Variants in MBIP observed in about 807,000 individuals in gnomAD.
MBIP encodes the protein MAP3K12 binding inhibitory protein 1, also known as MAP3K12-binding inhibitory protein 1.
MBIP carries 32 observed loss-of-function variants against 45.7 expected under a neutral mutation model. That is an observed-to-expected ratio of 0.70 (90% CI 0.53 to 0.94). The LOEUF is 0.94. Ranked by LOEUF, MBIP falls within the 40% of genes least tolerant of loss-of-function variation. The pLI is 0.00. For synonymous variants in MBIP, 145 were observed against 141.0 expected, an observed-to-expected ratio of 1.03 and a Z score of -0.20; for missense variants, 381 against 405.5, an observed-to-expected ratio of 0.94 and a Z score of 0.52.
Position 36,308,610 on chromosome 14 carries a change from T to C in MBIP, c.791-421A>G, listed in dbSNP as rs868774636. Among the ~76,000 whole-genome samples, 3 of 152,338 alleles carry C rather than the reference T, an allele frequency of 2.0e-5. No homozygotes were observed. The South Asian group carries it at 6.2e-4, about 32-fold the overall frequency. ...TCTTCAATTAATATTTCTCCCTACA[T>C]GCCATATTTTTCCTTTGACCTAAAA... On this transcript the variant is annotated intron_variant, in intron 6 of 8. Coordinates refer to ENST00000416007, the MANE Select transcript of MBIP (RefSeq NM_016586.3).
At chr14:36,315,183 G>C (rs539694011) in intron 2 of MBIP, among the ~76,000 whole-genome samples, 54 of 152,106 alleles carry the variant, frequency 3.6e-4, no homozygotes, top group African/African-American at 1.2e-3. Flanking sequence ...GAAAACCTAA[G>C]GAAATTTAAA....
intron 6 of MBIP, among the ~76,000 whole-genome samples, chr14:36,310,504 A>G (rs1022196583): frequency 6.6e-6 from 1 of 152,212 alleles, no homozygotes; most frequent in Admixed American, 6.5e-5. Context: ...ATACATCTGC[A>G]AAGGTGAAAT....
Position 36,308,081 on chromosome 14 carries a change from C to G in MBIP, c.888+11G>C, listed in dbSNP as rs772456771. ...CATTTTCATTTATTTTTAAAAGACA[C>G]TTATACTCACTACAGACTGAAAATA... On this transcript the variant is annotated intron_variant, in intron 7 of 8. Transcript: ENST00000416007. The G allele has an allele frequency of 7.1e-7, 1 of 1,399,668 alleles. No individual in the cohort carries two copies. The highest frequency in any genetic ancestry group is 2.3e-5 in the East Asian group (1 of 43,708). The allele number at this position is 1,399,668 out of a possible 1,614,324, so 86.7% of individuals were successfully genotyped here.
intron 7 of MBIP, among the ~76,000 whole-genome samples, chr14:36,306,894 C>T (rs1299721021): frequency 6.6e-6 from 1 of 152,130 alleles, no homozygotes; most frequent in Non-Finnish European, 1.5e-5. Flanking sequence ...TTATGTAGTA[C>T]AACCAATACA....
rs779780710 is a variant in MBIP at position 36,314,546 on chromosome 14, G to A, written c.537C>T (p.Val179=). Reference sequence around the variant, plus strand: ...AATCAATAACATTGCAAAATTCCCTGACGTTGTTTTCATTGATTTCAGCTT... The same window carrying A: ...AATCAATAACATTGCAAAATTCCCTAACGTTGTTTTCATTGATTTCAGCTT... ...RKQAEINENN[V]REFCNVIDCN... is the part of the protein sequence containing the mutation. The change falls in exon 4 of 9, where the codon GTC becomes GTT. Residue 179 remains valine, a synonymous_variant. Transcript: ENST00000416007. 1 of 1,610,304 alleles carries A rather than the reference G, an allele frequency of 6.2e-7. No homozygotes were observed. The highest frequency in any genetic ancestry group is 1.7e-5 in the Admixed American group (1 of 59,348).
intron 1 of MBIP, among the ~76,000 whole-genome samples, chr14:36,318,940 G>A (rs75495968): frequency 0.037 from 5,645 of 152,058 alleles, 316 homozygotes; most frequent in African/African-American, 0.13. Flanking sequence ...GTATTTAATT[G>A]ATGAAACAAT....
intron 1 of MBIP, among the ~76,000 whole-genome samples, chr14:36,318,879 A>G (rs3850260): frequency 0.93 from 141,052 of 152,046 alleles, 65,552 homozygotes; most frequent in East Asian, 0.96. Flanking sequence ...ATGGAACTCT[A>G]ATTTTCACTC....
At chr14:36,302,052 C>G (rs981167397) in intron 7 of MBIP, among the ~76,000 whole-genome samples, 1 of 152,164 alleles carries the variant, frequency 6.6e-6, no homozygotes, top group African/African-American at 2.4e-5. Context: ...AATAATAGAG[C>G]TCAGATAATT....
At chr14:36,320,401 G>C in intron 1 of MBIP, 59 bp downstream of exon 1, 1 of 1,610,786 alleles carries the variant, frequency 6.2e-7, no homozygotes, top group Non-Finnish European at 8.5e-7. Flanking sequence ...TAGAGAAAAA[G>C]AATGGCGAGG....
chr14:36,302,743 A>C (rs939374629), intron 7 of MBIP, among the ~76,000 whole-genome samples: 1 of 152,144 alleles, frequency 6.6e-6, no homozygotes, highest in Non-Finnish European at 1.5e-5. Flanking sequence ...TAGAAATACC[A>C]TATCTACCGT....
chr14:36,311,877 G>T, intron 5 of MBIP, 82 bp downstream of exon 5: 1 of 1,261,406 alleles, frequency 7.9e-7, no homozygotes, highest in Non-Finnish European at 1.1e-6. Flanking sequence ...ATAAAATTTA[G>T]ATGGGAAAGT....
intron 7 of MBIP, among the ~76,000 whole-genome samples, chr14:36,307,193 C>G (rs1879935022): frequency 1.3e-5 from 2 of 152,120 alleles, no homozygotes; most frequent in Admixed American, 6.6e-5. Context: ...CTGCCTTCTT[C>G]TTCTGGAAAT....
chr14:36,316,286 G>T (rs897980060), intron 2 of MBIP, among the ~76,000 whole-genome samples: 6 of 152,068 alleles, frequency 3.9e-5, no homozygotes, highest in Non-Finnish European at 8.8e-5. Flanking sequence ...TCCAGGATGT[G>T]TCATGCTGGG....
In MBIP at chr14:36,319,023, A is replaced by G. The variant is rs192333896; in HGVS notation, c.129+1437T>C. Among the ~76,000 whole-genome samples, 130 of 152,248 alleles carry G rather than the reference A, an allele frequency of 8.5e-4. 1 individual carries two copies. In the East Asian group the frequency reaches 0.021, roughly 24 times the overall value. On this transcript the variant is annotated intron_variant, in intron 1 of 8. Coordinates refer to ENST00000416007, the MANE Select transcript of MBIP (RefSeq NM_016586.3). ...AAGTAACCAAATATTTACTGTGAAC[A>G]TTTTTGACAGGTGACATAAGTAAAT...
intron 6 of MBIP, among the ~76,000 whole-genome samples, chr14:36,310,790 C>T (rs1047307675): frequency 1.3e-5 from 2 of 152,128 alleles, no homozygotes; most frequent in African/African-American, 4.8e-5. Flanking sequence ...CCTAAAGCAG[C>T]ACAACGAGTG....
intron 4 of MBIP, chr14:36,313,805 T>A (rs771859254): frequency 6.6e-6 from 1 of 152,146 alleles, no homozygotes; most frequent in Non-Finnish European, 1.5e-5. Flanking sequence ...TCATTCCAAT[T>A]ATGAACTCTT....
intron 6 of MBIP, among the ~76,000 whole-genome samples, chr14:36,310,573 G>C (rs1022589392): frequency 3.9e-5 from 6 of 152,126 alleles, no homozygotes; most frequent in African/African-American, 1.4e-4. Flanking sequence ...CACTGTAATA[G>C]GTACAAAGAA....
rs199625798 is a variant in MBIP, at chr14:36,314,578, T to C, written c.505A>G (p.Arg169Gly). 205 of 1,611,724 alleles carry C rather than the reference T, an allele frequency of 1.3e-4. No individual in the cohort carries two copies. Among genetic ancestry groups the C allele is most frequent in the Non-Finnish European group, 1.7e-4 (199 of 1,179,176 alleles). The change falls in exon 4 of 9, where the codon AGA becomes GGA. Residue 169 changes from arginine (R) to glycine (G), a missense_variant. Arg to Gly is a moderately radical substitution (Grantham distance 125, BLOSUM62 -2). Coordinates refer to ENST00000416007, the MANE Select transcript of MBIP (RefSeq NM_016586.3). ...TTTTCATTGATTTCAGCTTGCTTTC[T>C]TTCAATAAATGCAGATATTCGTCTG... ...IDRRISAFIE[R>G]KQAEINENNV...
At chr14:36,299,326 C>T (rs996800000) in intron 8 of MBIP, 136 bp from the exon 9 acceptor site, 12 of 607,752 alleles carry the variant, frequency 2.0e-5, no homozygotes, top group East Asian at 1.4e-4. Context: ...TGAGAATAAT[C>T]TTAAAACTGA....
Sources: allele counts gnomAD v4.1 joint callset (sites outside exome capture counted in the v4.1 genomes callset), GRCh38; gene constraint gnomAD v4.1.1; transcripts MANE v1.5; gene names NCBI Gene and HGNC (gene_info 2026-07-23, HGNC 2026-07-21).